GPHN: variants seen among roughly 807,000 people sequenced by gnomAD.
GPHN encodes gephyrin.
In GPHN, 17 loss-of-function variants were observed where a neutral mutation model predicts 95.5. The ratio of observed to expected loss-of-function variants is 0.18; its 90% confidence interval spans 0.12 to 0.27. The LOEUF (loss-of-function observed/expected upper bound fraction) is 0.27, where lower values mean the gene tolerates loss of function less well. Ranked by LOEUF, GPHN falls within the 10% of genes least tolerant of loss-of-function variation. The probability of loss-of-function intolerance (pLI) is 1.00; values close to 1 mark genes in which losing one functional copy is unlikely to be tolerated. For missense variants in GPHN, 660 were observed against 978.1 expected (o/e 0.67, Z 4.34); for synonymous variants, 320 against 322.5 (o/e 0.99, Z 0.08).
the GPHN span, among the ~76,000 whole-genome samples, chr14:67,552,783 A>G: frequency 2.6e-5 from 4 of 151,684 alleles, no homozygotes; most frequent in African/African-American, 9.7e-5. Context: ...AAAAAACAAA[A>G]ACAAAAAGAA....
At chr14:66,515,632 A>G (rs2058210597) in intron 1 of GPHN, among the ~76,000 whole-genome samples, 1 of 152,210 alleles carries the variant, frequency 6.6e-6, no homozygotes, top group Admixed American at 6.5e-5. Context: ...GTTAGGAGTC[A>G]AAAGTTATGC....
chr14:67,566,635 C>G, the GPHN span, among the ~76,000 whole-genome samples: 7 of 151,956 alleles, frequency 4.6e-5, no homozygotes, highest in South Asian at 6.2e-4. Flanking sequence ...GTAGTCCCAG[C>G]TACTCAGGAG....
intron 10 of GPHN, among the ~76,000 whole-genome samples, chr14:67,051,016 G>T (rs967494528): frequency 6.6e-6 from 1 of 152,214 alleles, no homozygotes; most frequent in African/African-American, 2.4e-5. Flanking sequence ...CCAGGCCTTG[G>T]TTCCCAAGCA....
At chr14:67,061,745 C>G (rs993243865) in intron 11 of GPHN, among the ~76,000 whole-genome samples, 1 of 152,120 alleles carries the variant, frequency 6.6e-6, no homozygotes, top group Admixed American at 6.6e-5. Context: ...CTCTCAGCCT[C>G]AAGCGATCCT....
rs924839015 is a variant in GPHN, at chr14:66,837,157, C to T, written c.294+12591C>T. Among the ~76,000 whole-genome samples the T allele has an allele frequency of 5.3e-5, 8 of 151,458 alleles. No individual in the cohort carries two copies. In the South Asian group the frequency reaches 1.3e-3, roughly 24 times the overall value. On this transcript the variant is annotated intron_variant, in intron 4 of 22. Coordinates refer to ENST00000478722, the MANE Select transcript of GPHN (RefSeq NM_020806.5). ...GACACATGCACACGTATGTTTATTA[C>T]GGCATTATTCACAATAGCAAAGACT...
chr14:67,717,266 C>T, the GPHN span, among the ~76,000 whole-genome samples: 1 of 152,180 alleles, frequency 6.6e-6, no homozygotes, highest in Non-Finnish European at 1.5e-5. Context: ...ACATTTCCAT[C>T]ACCTCAGAAA....
At chr14:67,119,737 C>T (rs2153690855) in intron 16 of GPHN, among the ~76,000 whole-genome samples, 1 of 152,280 alleles carries the variant, frequency 6.6e-6, no homozygotes, top group East Asian at 1.9e-4. Context: ...TTGCAGTGAG[C>T]CGAGATCACG....
At chr14:67,444,366 G>A in the GPHN span, among the ~76,000 whole-genome samples, 1 of 152,194 alleles carries the variant, frequency 6.6e-6, no homozygotes, top group African/African-American at 2.4e-5. Context: ...TTTCAGTGGA[G>A]GAGAGTGGCC....
the GPHN span, among the ~76,000 whole-genome samples, chr14:67,669,506 ATCC>A: frequency 1.3e-5 from 2 of 151,824 alleles, no homozygotes; most frequent in African/African-American, 4.8e-5. Flanking sequence ...GCCTCATGCA[ATCC>A]TCCTGCCTCA....
the GPHN span, chr14:67,577,328 C>T: frequency 1.3e-6 from 2 of 1,577,624 alleles, no homozygotes; most frequent in Non-Finnish European, 1.7e-6. Flanking sequence ...GCACCCCATG[C>T]TGTGCTACAG....
the GPHN span, among the ~76,000 whole-genome samples, chr14:67,315,369 C>T: frequency 3.3e-5 from 5 of 149,548 alleles, no homozygotes; most frequent in Non-Finnish European, 5.9e-5. Flanking sequence ...CTCCGCCTCC[C>T]GGGCTCATGC....
the GPHN span, chr14:67,336,698 C>T: frequency 5.9e-5 from 27 of 455,760 alleles, no homozygotes; most frequent in Admixed American, 4.2e-4. Flanking sequence ...TCAATTTCCT[C>T]ATCTGCAAAG....
At chr14:67,146,801 A>T (rs557882465) in intron 18 of GPHN, among the ~76,000 whole-genome samples, 3 of 152,266 alleles carry the variant, frequency 2.0e-5, no homozygotes, top group Admixed American at 2.0e-4. Context: ...TGGGAGCCCA[A>T]GGTGGGCAGA....
the GPHN span, among the ~76,000 whole-genome samples, chr14:67,568,595 TAAAAAA>T: frequency 6.6e-6 from 1 of 152,076 alleles, no homozygotes; most frequent in African/African-American, 2.4e-5. Flanking sequence ...CCCTGGAACT[TAAAAAA>T]CAAACAAATT....
At chr14:67,312,752 CATTGAA>C in the GPHN span, 4 of 1,372,428 alleles carry the variant, frequency 2.9e-6, no homozygotes, top group South Asian at 5.7e-5. Flanking sequence ...ATTAAAAGAA[CATTGAA>C]AATGCAAGCC....
At chr14:66,725,865 T>G (rs1026911657) in intron 2 of GPHN, among the ~76,000 whole-genome samples, 2 of 152,244 alleles carry the variant, frequency 1.3e-5, no homozygotes, top group African/African-American at 4.8e-5. Context: ...TATGCATGCC[T>G]GGTATTGAAA....
At chr14:66,538,983 A>G (rs1204764367) in intron 1 of GPHN, among the ~76,000 whole-genome samples, 1 of 152,152 alleles carries the variant, frequency 6.6e-6, no homozygotes, top group East Asian at 1.9e-4. Context: ...TATTAGGGTC[A>G]GTCTGCATTG....
At chr14:67,376,666 A>T in the GPHN span, 1 of 1,483,266 alleles carries the variant, frequency 6.7e-7, no homozygotes, top group Non-Finnish European at 9.1e-7. Flanking sequence ...CATAGCATCC[A>T]TGTATAAAAT....
the GPHN span, among the ~76,000 whole-genome samples, chr14:67,402,923 T>G: frequency 6.0e-3 from 911 of 152,320 alleles, 8 homozygotes; most frequent in African/African-American, 0.02. Context: ...TTCCTTTCTT[T>G]TGGGTATATA....
Sources: allele counts gnomAD v4.1 joint callset (sites outside exome capture counted in the v4.1 genomes callset), GRCh38; gene constraint gnomAD v4.1.1; transcripts MANE v1.5; gene names NCBI Gene and HGNC (gene_info 2026-07-23, HGNC 2026-07-21).